The following COL5A1 variants were observed in gnomAD, a reference collection of about 807,000 sequenced individuals.
COL5A1 encodes the protein collagen alpha-1(V) chain.
Under a neutral mutation model 263.7 loss-of-function variants are expected in COL5A1, and 16 were observed. The ratio of observed to expected loss-of-function variants is 0.06; its 90% CI spans 0.04 to 0.09. The LOEUF (loss-of-function observed/expected upper bound fraction) is 0.09. COL5A1 is among the 10% of genes least tolerant of loss of function. The pLI is 1.00. For missense variants in COL5A1, 2,036 were observed against 2,540.5 expected (o/e 0.80, Z 4.27); for synonymous variants, 1,012 against 1,004.5 (o/e 1.01, Z -0.14).
At chr9:134,763,566 C>A (rs1836547454) in intron 19 of COL5A1, 127 bp from the exon 20 acceptor site, 2 of 947,964 alleles carry the variant, frequency 2.1e-6, no homozygotes, top group Non-Finnish European at 3.4e-6. Flanking sequence ...CGGCTGGTAC[C>A]AGAGCTGGTA....
intron 1 of COL5A1, among the ~76,000 whole-genome samples, chr9:134,659,346 G>A (rs1158065869): frequency 3.9e-5 from 6 of 152,168 alleles, no homozygotes; most frequent in Non-Finnish European, 5.9e-5. Flanking sequence ...CCGAGATGGC[G>A]CCATTGCACT....
At chr9:134,687,874 C>G (rs1833134176) in intron 1 of COL5A1, among the ~76,000 whole-genome samples, 1 of 152,182 alleles carries the variant, frequency 6.6e-6, no homozygotes, top group Non-Finnish European at 1.5e-5. Flanking sequence ...TGCAGCTTCT[C>G]TCACTGGCCT....
intron 13 of COL5A1, among the ~76,000 whole-genome samples, 196 bp from the exon 14 acceptor site, chr9:134,752,393 G>A (rs560158218): frequency 2.9e-4 from 43 of 148,318 alleles, no homozygotes; most frequent in Admixed American, 6.8e-4. Flanking sequence ...CGTCACTCCC[G>A]TGGATGCTGA....
In COL5A1 at chr9:134,741,326, G is replaced by A. The variant is rs559078546; in HGVS notation, c.1494+2518G>A. Among the ~76,000 whole-genome samples, 18 of 152,202 alleles carry A rather than the reference G, an allele frequency of 1.2e-4. No individual in the cohort carries two copies. Among genetic ancestry groups the A allele is most frequent in the African/African-American group, 4.3e-4 (18 of 41,444 alleles). Reference sequence around the variant, plus strand: ...TTAATCTTCTATGCACGGGGGCTTCGCAGACAAGAAGTAAAAACCAAAAAA... The same window carrying A: ...TTAATCTTCTATGCACGGGGGCTTCACAGACAAGAAGTAAAAACCAAAAAA... On this transcript the variant is annotated intron_variant, in intron 11 of 65. Transcript: ENST00000371817. The surrounding 1 kb of genome is among the most constrained non-coding windows in gnomAD (Gnocchi z 4.5).
rs531830334 is a variant in COL5A1, at chr9:134,727,286, C to T, written c.675C>T (p.Leu225=). The change falls in exon 5 of 66, where the codon CTC becomes CTT. Residue 225 remains leucine, a synonymous_variant. Transcript: ENST00000371817. ...EVFEGDIQQL[L]FVSDHRAAYD... ...TCCAGGGTGACATCCAGCAGCTGCT[C>T]TTTGTCTCGGACCACCGGGCAGCTT... is the stretch of plus-strand genomic sequence containing the variant. 2 of 1,613,994 alleles carry T rather than the reference C, an allele frequency of 1.2e-6. No homozygotes were observed. Among genetic ancestry groups the T allele is most frequent in the South Asian group, 1.1e-5 (1 of 91,066 alleles).
intron 4 of COL5A1, among the ~76,000 whole-genome samples, chr9:134,715,713 C>T (rs1834236563): frequency 6.6e-6 from 1 of 152,180 alleles, no homozygotes. Context: ...GCCCTAAATC[C>T]ATTAAACCTT....
chr9:134,642,331 G>A lies in COL5A1; in HGVS notation c.109+35G>A. On this transcript the variant is annotated intron_variant, in intron 1 of 65. Transcript: ENST00000371817. The surrounding 1 kb of genome is among the most constrained non-coding windows in gnomAD (Gnocchi z 4.5). ...CCCCGGGGCGCGGGGCTGCGGGATG[G>A]GGCGCGCGCAGCCCGGGCGCCGCTG... The A allele has an allele frequency of 1.7e-6, 1 of 602,014 alleles. No individual in the cohort carries two copies. Among genetic ancestry groups the A allele is most frequent in the Non-Finnish European group, 2.3e-6 (1 of 440,956 alleles). The allele number at this position is 602,014 out of a possible 1,614,324, so 37.3% of individuals were successfully genotyped here.
At chr9:134,824,877 G>A (rs753700681) in intron 62 of COL5A1, 22 bp downstream of exon 62, 1 of 1,602,340 alleles carries the variant, frequency 6.2e-7, no homozygotes, top group Non-Finnish European at 8.5e-7. Flanking sequence ...GGGGGGCAGG[G>A]GTGGCCCCCC....
chr9:134,695,733 G>T (rs989302774), intron 2 of COL5A1, among the ~76,000 whole-genome samples: 1 of 152,114 alleles, frequency 6.6e-6, no homozygotes, highest in Non-Finnish European at 1.5e-5. Context: ...CTCTATCTTC[G>T]ACCCCATGGG....
rs371283167 is a variant in COL5A1, at chr9:134,732,135, C to G, written c.1389+8C>G. 3.6e-5 allele frequency: 58 copies of G among 1,614,084 alleles called. No individual in the cohort carries two copies. Among genetic ancestry groups the G allele is most frequent in the Non-Finnish European group, 4.6e-5 (54 of 1,180,020 alleles). ...CCAGCGATTATCGAGCCGGTGAGGA[C>G]ATTTTCTCATTCCCTCCCTGCGCCG... On this transcript the variant is annotated splice_region_variant and intron_variant, in intron 9 of 65. Transcript: ENST00000371817.
At chr9:134,685,277 T>TCCATCCATCCATCCA (rs1187723082) in intron 1 of COL5A1, among the ~76,000 whole-genome samples, 3 of 147,462 alleles carry the variant, frequency 2.0e-5, no homozygotes, top group Non-Finnish European at 4.5e-5. Context: ...AAGTCATCCA[T>TCCATCCATCCATCCA]CCATCCATCC....
At chr9:134,702,704 G>T (rs1308465147) in intron 4 of COL5A1, among the ~76,000 whole-genome samples, 1 of 152,226 alleles carries the variant, frequency 6.6e-6, no homozygotes, top group African/African-American at 2.4e-5. Context: ...TCATACTGGG[G>T]ACCACGTAGT....
chr9:134,782,590 G>A, intron 28 of COL5A1, 77 bp from the exon 29 acceptor site: 1 of 1,377,802 alleles, frequency 7.3e-7, no homozygotes, highest in Non-Finnish European at 1.0e-6. Flanking sequence ...GAGTGTGGTT[G>A]TTTGGAGCGG....
At chr9:134,829,866 G>C (rs1839525219) in intron 63 of COL5A1, 110 bp from the exon 64 acceptor site, 1 of 1,236,222 alleles carries the variant, frequency 8.1e-7, no homozygotes, top group Non-Finnish European at 1.2e-6. Flanking sequence ...CCCCCGGCGT[G>C]AGGATGCAGG....
intron 2 of COL5A1, among the ~76,000 whole-genome samples, chr9:134,698,414 C>T (rs1171306051): frequency 6.6e-6 from 1 of 151,894 alleles, no homozygotes; most frequent in South Asian, 2.1e-4. Flanking sequence ...CAGCTTCCAG[C>T]GCTCACGCAG....
intron 9 of COL5A1, among the ~76,000 whole-genome samples, chr9:134,735,064 T>C (rs1187052648): frequency 3.3e-5 from 5 of 151,932 alleles, no homozygotes; most frequent in Admixed American, 6.6e-5. Flanking sequence ...TACAAAAAAA[T>C]TAACCAGGTG....
Position 134,758,186 on chromosome 9 carries a change from C to T in COL5A1, c.1882-57C>T, listed in dbSNP as rs1021419131. On this transcript the variant is annotated intron_variant, in intron 17 of 65. Coordinates refer to ENST00000371817, the MANE Select transcript of COL5A1 (RefSeq NM_000093.5). The surrounding 1 kb of genome is among the most constrained non-coding windows in gnomAD (Gnocchi z 4.1). ...GGCCATCACTTGGTGGACACCAAGGCGGGGTGTCCACGTGTGCAGGGTGGC... is the reference window on the plus strand; with the variant it reads ...GGCCATCACTTGGTGGACACCAAGGTGGGGTGTCCACGTGTGCAGGGTGGC... The T allele has an allele frequency of 1.4e-5, 22 of 1,586,620 alleles. No individual in the cohort carries two copies. Among genetic ancestry groups the T allele is most frequent in the African/African-American group, 6.7e-5 (5 of 74,428 alleles).
chr9:134,819,588 C>A (rs1564481748), intron 57 of COL5A1, among the ~76,000 whole-genome samples: 1 of 152,224 alleles, frequency 6.6e-6, no homozygotes, highest in Non-Finnish European at 1.5e-5. Context: ...TGCCCCCAGC[C>A]CCAAGGCAAA....
chr9:134,815,770 C>T (rs547406755), intron 51 of COL5A1, 141 bp downstream of exon 51: 69 of 1,231,438 alleles, frequency 5.6e-5, no homozygotes, highest in Admixed American at 1.4e-4. Flanking sequence ...ACTCGTGTTC[C>T]GGTGATCAGA....
Sources: gnomAD v4.1 joint callset for allele counts (sites outside exome capture counted in the v4.1 genomes callset) on GRCh38, gnomAD v4.1.1 for gene constraint, Gnocchi (gnomAD v3.1) non-coding constraint, MANE v1.5 for transcripts, NCBI Gene and HGNC (gene_info 2026-07-23, HGNC 2026-07-21) for gene names.